The following HDLBP variants were observed in gnomAD, a reference collection of about 807,000 sequenced individuals.
The protein encoded by HDLBP is high density lipoprotein binding protein, also known as vigilin.
A neutral mutation model predicts 137.3 loss-of-function variants in HDLBP; 30 were observed. The ratio of observed to expected loss-of-function variants is 0.22; its 90% CI spans 0.16 to 0.30. HDLBP has a LOEUF of 0.30. HDLBP is among the 10% of genes least tolerant of loss of function. The pLI is 1.00. For synonymous variants in HDLBP, 606 were observed against 596.0 expected, an observed-to-expected ratio of 1.02 and a Z score of -0.24; for missense variants, 1,119 against 1,667.3, an observed-to-expected ratio of 0.67 and a Z score of 5.73.
chr2:241,230,293 A>G lies in HDLBP; in HGVS notation c.3475-24T>C, dbSNP rs1415167930. On this transcript the variant is annotated intron_variant, in intron 25 of 27. Coordinates refer to ENST00000310931, the MANE Select transcript of HDLBP (RefSeq NM_005336.6). This position sits in a 1 kb window ranked among gnomAD's most constrained non-coding sequence, Gnocchi z 5.0. ...ACCTGGAAGGGGTGTACAACGTCAG[A>G]TGAGGGGACTCCAAGCGAGGAAAAG... is the stretch of plus-strand genomic sequence containing the variant. 1 of 1,385,392 alleles carries G rather than the reference A, an allele frequency of 7.2e-7. No homozygotes were observed. The highest frequency in any genetic ancestry group is 1.0e-6 in the Non-Finnish European group (1 of 998,480). The allele number at this position is 1,385,392 out of a possible 1,614,324, so 85.8% of individuals were successfully genotyped here.
rs2071022017 is a variant in HDLBP at position 241,239,793 on chromosome 2, C to T, written c.2419G>A (p.Val807Met). ...AAGTGGCGGTGGTGCTTGGGGTCCA[C>T]CAGCATGGAGTCTTCCACCACATTA... ...LDNVVEDSMLVDPKHHRHFVI... is the reference protein window; with the variant it reads ...LDNVVEDSMLMDPKHHRHFVI... The change falls in exon 19 of 28, where the codon GTG becomes ATG. Residue 807 changes from valine to methionine, a missense_variant. This residue lies in a region of HDLBP where 618 missense variants were observed against 816.7 expected (regional missense o/e 0.76). Transcript: ENST00000310931. The surrounding 1 kb of genome is among the most constrained non-coding windows in gnomAD (Gnocchi z 4.6). 6.2e-7 allele frequency: 1 copy of T among 1,613,940 alleles called. No homozygotes were observed. Among genetic ancestry groups the T allele is most frequent in the Non-Finnish European group, 8.5e-7 (1 of 1,180,020 alleles).
At chr2:241,261,459 C>G (rs779240173) in intron 5 of HDLBP, among the ~76,000 whole-genome samples, 1 of 152,172 alleles carries the variant, frequency 6.6e-6, no homozygotes, top group Non-Finnish European at 1.5e-5. Flanking sequence ...ACGGGAAGAT[C>G]TGAACTAAGG....
rs2072666901 is a variant in HDLBP, at chr2:241,256,940, A to C, written c.451-134T>G. 8 of 742,972 alleles carry C rather than the reference A, an allele frequency of 1.1e-5. No homozygotes were observed. The South Asian group carries it at 1.4e-4, about 13-fold the overall frequency. 46.0% of individuals were successfully genotyped at this position (742,972 alleles called of 1,614,324 possible). On this transcript the variant is annotated intron_variant, in intron 5 of 27. Coordinates refer to ENST00000310931, the MANE Select transcript of HDLBP (RefSeq NM_005336.6). ...GCAGCACCAACTCATCCATTAAAAC[A>C]GCATGAGCTTAAACATCACATGCTT...
chr2:241,301,761 CTTTCG>C (rs992489019), intron 1 of HDLBP, among the ~76,000 whole-genome samples: 10 of 151,682 alleles, frequency 6.6e-5, no homozygotes, highest in African/African-American at 2.4e-4. Context: ...CCATCCTTTC[CTTTCG>C]TTTTGTTTTT....
chr2:241,248,448 A>C (rs534334840), intron 12 of HDLBP, 100 bp from the exon 13 acceptor site: 224 of 953,604 alleles, frequency 2.3e-4, no homozygotes, highest in Admixed American at 3.6e-5. Context: ...ACAGTCCTTC[A>C]TGGAGCAGGT....
chr2:241,283,509 C>G lies in HDLBP; in HGVS notation c.-102-14968G>C, dbSNP rs1468307988. 2.7e-5 allele frequency among the ~76,000 whole-genome samples: 4 copies of G among 150,476 alleles called. No individual in the cohort carries two copies. In the East Asian group the frequency reaches 7.8e-4, roughly 29 times the overall value. On this transcript the variant is annotated intron_variant, in intron 1 of 27. Transcript: ENST00000310931. ...TTTTTTCTTGAGACAGAGTCTCGCT[C>G]TATGGCCCAGGCTGGAGTGCAGTGG...
intron 4 of HDLBP, among the ~76,000 whole-genome samples, chr2:241,263,361 C>CA (rs1463438048): frequency 6.6e-6 from 1 of 152,184 alleles, no homozygotes; most frequent in Non-Finnish European, 1.5e-5. Flanking sequence ...CAGAGGGGGA[C>CA]AGTGAAGAGG....
chr2:241,235,423 C>T (rs2070287131), intron 22 of HDLBP, 67 bp downstream of exon 22: 7 of 1,459,310 alleles, frequency 4.8e-6, no homozygotes, highest in Non-Finnish European at 6.7e-6. Context: ...TGAGAAAGGA[C>T]ACTGGCACTC....
intron 1 of HDLBP, among the ~76,000 whole-genome samples, chr2:241,300,419 T>A (rs1227411996): frequency 6.6e-6 from 1 of 152,106 alleles, no homozygotes; most frequent in Non-Finnish European, 1.5e-5. Context: ...TGAAAGCAAG[T>A]GACTGCATCA....
intron 12 of HDLBP, chr2:241,249,508 T>G: frequency 3.9e-6 from 2 of 511,218 alleles, no homozygotes; most frequent in Non-Finnish European, 7.9e-6. Flanking sequence ...GAGAACCACC[T>G]GGGATGCCTT....
rs892644466 is a variant in HDLBP, at chr2:241,256,432, G to A, written c.658-33C>T. ...GGAAGGGATGATCTGATGAGAACAG[G>A]CCTTTGAAAACAAACTGGGGACAGA... On this transcript the variant is annotated intron_variant, in intron 6 of 27. Transcript: ENST00000310931. The A allele has an allele frequency of 3.2e-6, 5 of 1,566,924 alleles. No individual in the cohort carries two copies. The East Asian group carries it at 9.0e-5, about 28-fold the overall frequency.
intron 1 of HDLBP, among the ~76,000 whole-genome samples, chr2:241,290,095 C>CG (rs2074961972): frequency 6.6e-6 from 1 of 152,156 alleles, no homozygotes; most frequent in Non-Finnish European, 1.5e-5. Flanking sequence ...GCATAGTCTT[C>CG]GGGGTACACA....
chr2:241,307,033 C>A, intron 1 of HDLBP, among the ~76,000 whole-genome samples: 1 of 124,726 alleles, frequency 8.0e-6, no homozygotes, highest in Non-Finnish European at 1.6e-5. Flanking sequence ...ACTCCCAGTA[C>A]AGTCAAAGAC....
intron 27 of HDLBP, 59 bp downstream of exon 27, chr2:241,229,774 A>G: frequency 6.3e-7 from 1 of 1,584,894 alleles, no homozygotes; most frequent in Middle Eastern, 1.7e-4. Context: ...TCAGGACACC[A>G]AGCCCGCCTG....
chr2:241,270,473 AAAC>A (rs1276169211), intron 1 of HDLBP, among the ~76,000 whole-genome samples: 2 of 152,218 alleles, frequency 1.3e-5, no homozygotes. Flanking sequence ...TTTTTCTTCT[AAAC>A]AACTCAAAAA....
intron 1 of HDLBP, among the ~76,000 whole-genome samples, chr2:241,303,728 T>C (rs1292218072): frequency 1.3e-5 from 2 of 152,216 alleles, no homozygotes; most frequent in South Asian, 2.1e-4. Context: ...ATGAAGCATA[T>C]CTCTCAGAGC....
At chr2:241,236,402 T>C (rs1559480908) in intron 21 of HDLBP, 3 of 587,278 alleles carry the variant, frequency 5.1e-6, no homozygotes, top group Admixed American at 3.1e-5. Context: ...AAAGGGGCTA[T>C]AGAACCCCGA....
chr2:241,245,612 A>G (rs1174946357), intron 16 of HDLBP, among the ~76,000 whole-genome samples: 3 of 152,192 alleles, frequency 2.0e-5, no homozygotes, highest in South Asian at 2.1e-4. Flanking sequence ...CCTGGACAAC[A>G]TAACAAGACC....
chr2:241,267,135 T>G (rs2073734868), intron 2 of HDLBP, among the ~76,000 whole-genome samples: 1 of 152,114 alleles, frequency 6.6e-6, no homozygotes, highest in Admixed American at 6.6e-5. Flanking sequence ...GGCCAATCTT[T>G]TGTCTTCCCT....
Sources: gnomAD v4.1 joint callset for allele counts (sites outside exome capture counted in the v4.1 genomes callset) on GRCh38, gnomAD v4.1.1 for gene constraint, gnomAD v4.1.1 regional missense constraint, Gnocchi (gnomAD v3.1) non-coding constraint, MANE v1.5 for transcripts, NCBI Gene and HGNC (gene_info 2026-07-23, HGNC 2026-07-21) for gene names.